Variants in FGF11 observed in about 807,000 individuals in gnomAD.
FGF11 encodes the protein fibroblast growth factor 11.
In FGF11, 25 loss-of-function variants were observed where a neutral mutation model predicts 25.1. That is an observed-to-expected ratio of 1.00 (90% CI 0.73 to 1.39). The LOEUF is 1.39. Among genes scored for constraint, FGF11 ranks in the 40% most tolerant of loss-of-function variants. The pLI is 0.00. For missense variants in FGF11, 320 were observed against 311.0 expected, an observed-to-expected ratio of 1.03 and a Z score of -0.22; for synonymous variants, 130 against 128.9, an observed-to-expected ratio of 1.01 and a Z score of -0.06.
At chr17:7,441,360 G>T in intron 1 of FGF11, 111 bp from the exon 2 acceptor site, 2 of 1,450,636 alleles carry the variant, frequency 1.4e-6, no homozygotes, top group Non-Finnish European at 1.9e-6. Context: ...TGGGGCCCTG[G>T]GACCCTCTTC....
In FGF11 at chr17:7,442,683, T is replaced by A. The variant is rs1908387091; in HGVS notation, c.498T>A (p.Arg166=). 1.2e-6 allele frequency: 2 copies of A among 1,614,058 alleles called. No individual in the cohort carries two copies. ...CCTCTGCTCTCTACCGCCAGCGTCG[T>A]TCTGGCCGGGCCTGGTACCTCGGCC... is the stretch of plus-strand genomic sequence containing the variant. ...LYASALYRQR[R]SGRAWYLGLD... The change falls in exon 4 of 5, where the codon CGT becomes CGA. Residue 166 remains arginine (R), a synonymous_variant. Coordinates refer to ENST00000293829, the MANE Select transcript of FGF11 (RefSeq NM_004112.4).
At chr17:7,442,497 A>G (rs918243398) in intron 3 of FGF11, 97 bp from the exon 4 acceptor site, 15 of 1,192,682 alleles carry the variant, frequency 1.3e-5, no homozygotes, top group African/African-American at 3.4e-5. Context: ...CCCTCCCCCA[A>G]AAAGGATTTG....
intron 3 of FGF11, chr17:7,442,268 CTT>C (rs879362916): frequency 3.6e-3 from 1,027 of 287,748 alleles, no homozygotes; most frequent in East Asian, 6.0e-3. Flanking sequence ...AAGTCTAGTT[CTT>C]TTTTTTTTTT....
chr17:7,442,403 C>T, intron 3 of FGF11, 191 bp from the exon 4 acceptor site: 1 of 1,411,684 alleles, frequency 7.1e-7, no homozygotes, highest in Non-Finnish European at 9.2e-7. Flanking sequence ...TGTGCTTGGC[C>T]CAGAGCCTAG....
Position 7,442,949 on chromosome 17 carries a change from C to T in FGF11, c.608-127C>T, listed in dbSNP as rs1157025708. 7 of 1,146,792 alleles carry T rather than the reference C, an allele frequency of 6.1e-6. No individual in the cohort carries two copies. In the Admixed American group the frequency reaches 1.1e-4, roughly 19 times the overall value. 71.0% of individuals were successfully genotyped at this position (1,146,792 alleles called of 1,614,324 possible). ...GCCCTTTGGGGGTTTGGGTGCGGTC[C>T]TCCTGTGGGGTTGGGGTTCTTGGAG... is the stretch of plus-strand genomic sequence containing the variant. On this transcript the variant is annotated intron_variant, in intron 4 of 4. Coordinates refer to ENST00000293829, the MANE Select transcript of FGF11 (RefSeq NM_004112.4).
Position 7,439,612 on chromosome 17 carries a change from C to T in FGF11, c.-9C>T, listed in dbSNP as rs1908215374. The T allele has an allele frequency of 4.2e-6, 6 of 1,418,074 alleles. No homozygotes were observed. The highest frequency in any genetic ancestry group is 5.5e-6 in the Non-Finnish European group (6 of 1,095,092). The allele number at this position is 1,418,074 out of a possible 1,614,324, so 87.8% of individuals were successfully genotyped here. A position where few individuals can be genotyped will look rare whatever the true frequency, so the allele number is the denominator to read the frequency against. On this transcript the variant is annotated 5_prime_UTR_variant, in exon 1 of 5. Coordinates refer to ENST00000293829, the MANE Select transcript of FGF11 (RefSeq NM_004112.4). ...CTGCCGGTTTGGGGGTGTCTCCTCC[C>T]GGGGCGCTATGGCGGCGCTGGCCAG...
chr17:7,443,041 C>T, intron 4 of FGF11, 35 bp from the exon 5 acceptor site: 1 of 1,551,722 alleles, frequency 6.4e-7, no homozygotes, highest in South Asian at 1.1e-5. Flanking sequence ...GTGCCTAACT[C>T]TCCTTCCCTG....
At chr17:7,442,282 T>A (rs78206200) in intron 3 of FGF11, 11 of 361,020 alleles carry the variant, frequency 3.0e-5, no homozygotes, top group South Asian at 8.1e-5. Context: ...TTTTTTTTTT[T>A]AAATAGTGAC....
chr17:7,442,469 A>T (rs1227895526), intron 3 of FGF11, 125 bp from the exon 4 acceptor site: 1 of 1,547,404 alleles, frequency 6.5e-7, no homozygotes, highest in Non-Finnish European at 8.7e-7. Context: ...TCCTACATGG[A>T]CTCAGAAGTT....
chr17:7,441,283 G>C (rs1177074348), intron 1 of FGF11, 188 bp from the exon 2 acceptor site: 2 of 702,256 alleles, frequency 2.8e-6, no homozygotes, highest in Non-Finnish European at 4.6e-6. Flanking sequence ...AAACAGAAGG[G>C]ACCCACACCA....
rs1908312932 is a variant in FGF11, at chr17:7,441,336, G to A, written c.194-135G>A. On this transcript the variant is annotated intron_variant, in intron 1 of 4. Coordinates refer to ENST00000293829, the MANE Select transcript of FGF11 (RefSeq NM_004112.4). ...AGAGAGGTGGGAGAGAGCGTGCTTG[G>A]AGGATAAGAGAGCTGGGGCCCTGGG... 8.2e-6 allele frequency: 10 copies of A among 1,218,584 alleles called. No homozygotes were observed. In the South Asian group the frequency reaches 1.1e-4, roughly 14 times the overall value. The allele number at this position is 1,218,584 out of a possible 1,614,324, so 75.5% of individuals were successfully genotyped here. A position where few individuals can be genotyped will look rare whatever the true frequency, so the allele number is the denominator to read the frequency against.
Position 7,439,703 on chromosome 17 carries a change from G to T in FGF11, c.83G>T (p.Arg28Leu). Reference protein sequence around the residue: ...PGGSRPVSAQRRVCPRGTKSL... With the variant: ...PGGSRPVSAQLRVCPRGTKSL... Reference sequence around the variant, plus strand: ...GGCAGCCGGCCGGTGTCGGCGCAGCGGCGCGTGTGTCCCCGCGGCACCAAG... The same window carrying T: ...GGCAGCCGGCCGGTGTCGGCGCAGCTGCGCGTGTGTCCCCGCGGCACCAAG... Residue 28 changes from arginine (R) to leucine (L), a missense_variant, in exon 1 of 5, where the codon CGG (arginine) becomes CTG (leucine). Coordinates refer to ENST00000293829, the MANE Select transcript of FGF11 (RefSeq NM_004112.4). 2 of 1,565,138 alleles carry T rather than the reference G, an allele frequency of 1.3e-6. No homozygotes were observed. The highest frequency in any genetic ancestry group is 2.5e-5 in the East Asian group (1 of 40,242).
rs760390266 is a variant in FGF11, at chr17:7,441,518, T to C, written c.241T>C (p.Phe81Leu). 1.2e-6 allele frequency: 2 copies of C among 1,614,134 alleles called. No individual in the cohort carries two copies. The highest frequency in any genetic ancestry group is 1.7e-6 in the Non-Finnish European group (2 of 1,180,016). ...CACCAAACTGTTCTGCCGCCAGGGTTTCTACCTCCAGGCGAATCCCGACGG... is the reference window on the plus strand; with the variant it reads ...CACCAAACTGTTCTGCCGCCAGGGTCTCTACCTCCAGGCGAATCCCGACGG... ...IVTKLFCRQGFYLQANPDGSI... is the reference protein window; with the variant it reads ...IVTKLFCRQGLYLQANPDGSI... The change falls in exon 2 of 5, where the codon TTC becomes CTC. Residue 81 changes from phenylalanine to leucine, a missense_variant. Coordinates refer to ENST00000293829, the MANE Select transcript of FGF11 (RefSeq NM_004112.4).
chr17:7,440,736 C>T lies in FGF11; in HGVS notation c.194-735C>T. ...CTGCCCATAGTGGTACAATCCGCAG[C>T]CCACCCTCTGAGTAGGACCGGGCCC... On this transcript the variant is annotated intron_variant, in intron 1 of 4. Coordinates refer to ENST00000293829, the MANE Select transcript of FGF11 (RefSeq NM_004112.4). This position sits in a 1 kb window ranked among gnomAD's most constrained non-coding sequence, Gnocchi z 5.4. 1.0e-6 allele frequency: 1 copy of T among 986,256 alleles called. No homozygotes were observed. The highest frequency in any genetic ancestry group is 4.7e-5 in the South Asian group (1 of 21,368). 61.1% of individuals were successfully genotyped at this position (986,256 alleles called of 1,614,324 possible).
rs747700449 is a variant in FGF11 at position 7,439,779 on chromosome 17, CG to C, written c.165del (p.Arg56GlyfsTer51). 6 of 1,485,634 alleles carry C rather than the reference CG, an allele frequency of 4.0e-6. No individual in the cohort carries two copies. The highest frequency in any genetic ancestry group is 2.7e-6 in the Non-Finnish European group (3 of 1,125,368). 92.0% of individuals were successfully genotyped at this position (1,485,634 alleles called of 1,614,324 possible). On this transcript the variant is annotated frameshift_variant, in exon 1 of 5. Transcript: ENST00000293829. LOFTEE classifies it high-confidence loss of function. ...LILLSKVRLC[G>X]GRPARPDRGP... Reference sequence around the variant, plus strand: ...TCCTGCTGTCCAAGGTGCGACTGTGCGGGGGGCGGCCCGCGCGGCCGGACCG... The same window carrying C: ...TCCTGCTGTCCAAGGTGCGACTGTGCGGGGGCGGCCCGCGCGGCCGGACCG...
At chr17:7,441,605 G>A (rs1270572105) in intron 2 of FGF11, 24 bp downstream of exon 2, 2 of 1,613,968 alleles carry the variant, frequency 1.2e-6, no homozygotes. Flanking sequence ...CTGGCTGCAG[G>A]GTGGGAAGGG....
intron 2 of FGF11, 53 bp from the exon 3 acceptor site, chr17:7,441,723 C>T (rs1316248964): frequency 7.0e-6 from 11 of 1,560,932 alleles, no homozygotes; most frequent in East Asian, 2.3e-5. Context: ...ATGAGGGGAG[C>T]TCAGGTGAGG....
At chr17:7,442,312 C>T (rs893019303) in intron 3 of FGF11, 5 of 606,788 alleles carry the variant, frequency 8.2e-6, no homozygotes, top group Non-Finnish European at 1.2e-5. Flanking sequence ...CTATGTTGGC[C>T]AGGCTGGTCT....
In FGF11 at chr17:7,439,765, A is replaced by G. The variant is rs1277485347; in HGVS notation, c.145A>G (p.Lys49Glu). 3 of 1,546,898 alleles carry G rather than the reference A, an allele frequency of 1.9e-6. No individual in the cohort carries two copies. The highest frequency in any genetic ancestry group is 4.1e-5 in the Admixed American group (2 of 48,946). The change falls in exon 1 of 5, where the codon AAG becomes GAG. Residue 49 changes from lysine (K) to glutamate (E), a missense_variant. Physicochemically the swap from Lys to Glu is moderately conservative, Grantham distance 56 (BLOSUM62 1). Coordinates refer to ENST00000293829, the MANE Select transcript of FGF11 (RefSeq NM_004112.4). ...GAAGCAGCTCCTCATCCTGCTGTCCAAGGTGCGACTGTGCGGGGGGCGGCC... is the reference window on the plus strand; with the variant it reads ...GAAGCAGCTCCTCATCCTGCTGTCCGAGGTGCGACTGTGCGGGGGGCGGCC... ...CQKQLLILLS[K>E]VRLCGGRPAR...
Sources: allele counts gnomAD v4.1 joint callset, GRCh38; gene constraint gnomAD v4.1.1; non-coding constraint Gnocchi (gnomAD v3.1); transcripts MANE v1.5; gene names NCBI Gene and HGNC (gene_info 2026-07-23, HGNC 2026-07-21).